The following COL23A1 variants were observed in gnomAD, a reference collection of about 807,000 sequenced individuals.
The protein encoded by COL23A1 is collagen alpha-1(XXIII) chain.
COL23A1 carries 97 observed loss-of-function variants against 99.3 expected under a neutral mutation model. The observed-to-expected ratio is 0.98, with a 90% confidence interval of 0.83 to 1.16. The LOEUF (loss-of-function observed/expected upper bound fraction) is 1.16, where lower values mean the gene tolerates loss of function less well. Among genes scored for constraint, COL23A1 ranks in the 50% most tolerant of loss-of-function variants. COL23A1 has a pLI of 0.00. For missense variants in COL23A1, 762 were observed against 757.4 expected (o/e 1.01, Z -0.07); for synonymous variants, 320 against 308.2 (o/e 1.04, Z -0.40).
intron 2 of COL23A1, among the ~76,000 whole-genome samples, chr5:178,441,042 G>A (rs1337387010): frequency 6.6e-6 from 1 of 152,204 alleles, no homozygotes; most frequent in East Asian, 1.9e-4. Flanking sequence ...GGCACTCCTT[G>A]AGGGCAGGGG....
At chr5:178,269,795 G>GCATCCATCCAGC (rs1756180479) in intron 6 of COL23A1, among the ~76,000 whole-genome samples, 1 of 141,932 alleles carries the variant, frequency 7.0e-6, no homozygotes, top group African/African-American at 2.6e-5. Flanking sequence ...TATCCAGTCA[G>GCATCCATCCAGC]CATCCATCCA....
rs567662001 is a variant in COL23A1, at chr5:178,253,629, C to T, written c.961-1032G>A. Among the ~76,000 whole-genome samples the T allele has an allele frequency of 4.6e-3, 699 of 151,926 alleles. 5 individuals are homozygous for T. Among genetic ancestry groups the T allele is most frequent in the African/African-American group, 0.016 (658 of 41,500 alleles). Reference sequence around the variant, plus strand: ...TCCCGAGTAGCTGAGACTACAGGCGCGCACCACCATGCCCGGCTAATTTTT... The same window carrying T: ...TCCCGAGTAGCTGAGACTACAGGCGTGCACCACCATGCCCGGCTAATTTTT... On this transcript the variant is annotated intron_variant, in intron 16 of 28. Transcript: ENST00000390654.
intron 2 of COL23A1, among the ~76,000 whole-genome samples, chr5:178,445,459 T>C (rs1399857373): frequency 2.0e-5 from 3 of 152,202 alleles, no homozygotes; most frequent in African/African-American, 7.2e-5. Flanking sequence ...TACATGTTTA[T>C]TCTCCTAGAT....
In COL23A1 at chr5:178,248,181, T is replaced by C; in HGVS notation, c.1212+11A>G. ...GTTGGGGGAAGCCCTGACCCCCCCA[T>C]ACCCCCTTACCAGGCTCTCCTGTAG... is the stretch of plus-strand genomic sequence containing the variant. On this transcript the variant is annotated intron_variant, in intron 20 of 28. Transcript: ENST00000390654. The C allele has an allele frequency of 6.5e-7, 1 of 1,548,676 alleles. No homozygotes were observed. Among genetic ancestry groups the C allele is most frequent in the Non-Finnish European group, 8.9e-7 (1 of 1,124,236 alleles).
At chr5:178,398,823 G>C (rs919848590) in intron 2 of COL23A1, among the ~76,000 whole-genome samples, 2 of 152,228 alleles carry the variant, frequency 1.3e-5, no homozygotes, top group African/African-American at 4.8e-5. Context: ...GGCACGTCTT[G>C]TGCTAACAAC....
Position 178,262,093 on chromosome 5 carries a change from GGCGC to G in COL23A1, c.675+120_675+123del, listed in dbSNP as rs35590898. On this transcript the variant is annotated intron_variant, in intron 10 of 28. Coordinates refer to ENST00000390654, the MANE Select transcript of COL23A1 (RefSeq NM_173465.4). ...ACACATGCAGACACGTACATGCAGA[GGCGC>G]GCGCACACACATAAACATGTGCGCG... The G allele has an allele frequency of 7.2e-5, 76 of 1,050,934 alleles. 1 individual carries two copies. The African/African-American group carries it at 1.0e-3, about 14-fold the overall frequency. 65.1% of individuals were successfully genotyped at this position (1,050,934 alleles called of 1,614,324 possible). A position where few individuals can be genotyped will look rare whatever the true frequency, so the allele number is the denominator to read the frequency against.
chr5:178,581,767 T>C (rs777262978), intron 1 of COL23A1, among the ~76,000 whole-genome samples: 2 of 152,030 alleles, frequency 1.3e-5, no homozygotes, highest in Non-Finnish European at 2.9e-5. Flanking sequence ...TGATGGGATA[T>C]GCAAGATTTT....
chr5:178,474,519 G>A (rs903568526), intron 2 of COL23A1, among the ~76,000 whole-genome samples: 1 of 36,562 alleles, frequency 2.7e-5, no homozygotes, highest in African/African-American at 9.5e-5. Context: ...CTCCTTGTGA[G>A]ATGTCAAAAA....
intron 1 of COL23A1, among the ~76,000 whole-genome samples, chr5:178,576,427 G>T (rs1318833344): frequency 6.6e-5 from 10 of 152,176 alleles, no homozygotes; most frequent in African/African-American, 2.4e-4. Flanking sequence ...TAGAGACGGG[G>T]TTTCGCCATA....
rs561167284 is a variant in COL23A1, at chr5:178,589,427, G to A, written c.294+477C>T. Among the ~76,000 whole-genome samples the A allele has an allele frequency of 1.3e-5, 2 of 152,032 alleles. No homozygotes were observed. Among genetic ancestry groups the A allele is most frequent in the South Asian group, 4.2e-4 (2 of 4,804 alleles). On this transcript the variant is annotated intron_variant, in intron 1 of 28. Transcript: ENST00000390654. The surrounding 1 kb of genome is among the most constrained non-coding windows in gnomAD (Gnocchi z 5.4). The stretch of plus-strand genomic sequence containing the variant: ...ACACACTGGAGCACAGCGGGGCCCA[G>A]CCCTCGGGCCTGTCTGAGGCTTTCC...
At chr5:178,304,193 G>A (rs888345145) in intron 3 of COL23A1, among the ~76,000 whole-genome samples, 34 of 152,168 alleles carry the variant, frequency 2.2e-4, no homozygotes, top group African/African-American at 7.9e-4. Context: ...ATCCCAGCCG[G>A]GCACTGCCCT....
chr5:178,265,683 T>C, intron 8 of COL23A1: 3 of 985,912 alleles, frequency 3.0e-6, no homozygotes, highest in Non-Finnish European at 3.6e-6. Flanking sequence ...GTACAGGTGA[T>C]GGTCTCTACT....
chr5:178,463,399 G>A (rs191577239), intron 2 of COL23A1, among the ~76,000 whole-genome samples: 205 of 152,322 alleles, frequency 1.3e-3, no homozygotes, highest in African/African-American at 4.9e-3. Flanking sequence ...GGCTGAGGCC[G>A]TGAGGTGGAG....
intron 4 of COL23A1, among the ~76,000 whole-genome samples, chr5:178,289,128 T>C (rs1378358425): frequency 6.6e-6 from 1 of 151,986 alleles, no homozygotes; most frequent in Non-Finnish European, 1.5e-5. Flanking sequence ...CTTGCTTGGC[T>C]CACGGTGGGG....
chr5:178,585,746 C>CGCCCTACAG (rs1281437181), intron 1 of COL23A1, among the ~76,000 whole-genome samples: 3 of 92,930 alleles, frequency 3.2e-5, no homozygotes, highest in Admixed American at 1.1e-4. Flanking sequence ...CCCTGGCTGA[C>CGCCCTACAG]CCTGTTGGTT....
At chr5:178,377,493 A>C (rs1763139259) in intron 2 of COL23A1, among the ~76,000 whole-genome samples, 1 of 152,214 alleles carries the variant, frequency 6.6e-6, no homozygotes, top group Non-Finnish European at 1.5e-5. Context: ...AAAACTCACC[A>C]CACAGCCAGA....
At chr5:178,518,304 A>G (rs2128001466) in intron 2 of COL23A1, among the ~76,000 whole-genome samples, 2 of 149,290 alleles carry the variant, frequency 1.3e-5, no homozygotes, top group South Asian at 4.3e-4. Flanking sequence ...TTCTTTCTAC[A>G]CAGACACGGC....
chr5:178,535,214 T>C (rs2097220791), intron 2 of COL23A1, among the ~76,000 whole-genome samples: 1 of 152,134 alleles, frequency 6.6e-6, no homozygotes, highest in African/African-American at 2.4e-5. Context: ...CCTCAAGTGA[T>C]CTGCCCGCCT....
chr5:178,309,800 C>T lies in COL23A1; in HGVS notation c.362-2881G>A, dbSNP rs1758571192. ...CCCCTGCACTCAGTCCCCCACTCTGCCACTCGCTCTGCTGTGCTCGATTCT... is the reference window on the plus strand; with the variant it reads ...CCCCTGCACTCAGTCCCCCACTCTGTCACTCGCTCTGCTGTGCTCGATTCT... On this transcript the variant is annotated intron_variant, in intron 2 of 28. Transcript: ENST00000390654. The surrounding 1 kb of genome is among the most constrained non-coding windows in gnomAD (Gnocchi z 4.7). 6.6e-6 allele frequency among the ~76,000 whole-genome samples: 1 copy of T among 152,104 alleles called. No homozygotes were observed. The highest frequency in any genetic ancestry group is 6.6e-5 in the Admixed American group (1 of 15,266).
Sources: allele counts gnomAD v4.1 joint callset (sites outside exome capture counted in the v4.1 genomes callset), GRCh38; gene constraint gnomAD v4.1.1; non-coding constraint Gnocchi (gnomAD v3.1); transcripts MANE v1.5; gene names NCBI Gene and HGNC (gene_info 2026-07-23, HGNC 2026-07-21).